The following DSTN variants were observed in gnomAD, a reference collection of about 807,000 sequenced individuals.
DSTN encodes the protein destrin.
In DSTN, 10 loss-of-function variants were observed where a neutral mutation model predicts 16.8. The ratio of observed to expected loss-of-function variants is 0.60; its 90% CI spans 0.37 to 1.01. The LOEUF (loss-of-function observed/expected upper bound fraction) is 1.01. Ranked by LOEUF, DSTN falls within the 50% of genes least tolerant of loss-of-function variation. The pLI, the probability that DSTN is intolerant of heterozygous loss-of-function variation, is 0.01. For missense variants in DSTN, 141 were observed against 196.7 expected, an observed-to-expected ratio of 0.72 and a Z score of 1.69; for synonymous variants, 57 against 58.9, an observed-to-expected ratio of 0.97 and a Z score of 0.14.
intron 1 of DSTN, among the ~76,000 whole-genome samples, chr20:17,571,942 GTTACTC>G (rs1258163348): frequency 6.6e-6 from 1 of 152,168 alleles, no homozygotes; most frequent in Non-Finnish European, 1.5e-5. Context: ...GACCTTACAA[GTTACTC>G]TTAGAGTTCA....
At chr20:17,592,508 C>T (rs2035480161) in intron 1 of DSTN, among the ~76,000 whole-genome samples, 1 of 151,422 alleles carries the variant, frequency 6.6e-6, no homozygotes, top group South Asian at 2.1e-4. Context: ...TTCACCATAT[C>T]TCAAGGATGT....
rs148320384 is a variant in DSTN at position 17,595,081 on chromosome 20, G to A, written c.4-5657G>A. On this transcript the variant is annotated intron_variant, in intron 1 of 3. Transcript: ENST00000246069. ...GCTTGAGCTTGGGTAAACTCTCTGA[G>A]GAAGAATGCAGAGTTCGTCCTTTCC... Among the ~76,000 whole-genome samples, 152 of 152,300 alleles carry A rather than the reference G, an allele frequency of 1.0e-3. No individual in the cohort carries two copies. In the Middle Eastern group the frequency reaches 0.01, roughly 10 times the overall value.
chr20:17,599,590 T>C (rs73260504), intron 1 of DSTN: 10,620 of 152,358 alleles, frequency 0.07, 594 homozygotes, highest in African/African-American at 0.15. Context: ...GTCTTGGGGA[T>C]AGGAGAACAG....
intron 2 of DSTN, among the ~76,000 whole-genome samples, chr20:17,601,902 A>AG: frequency 6.6e-6 from 1 of 151,680 alleles, no homozygotes; most frequent in Non-Finnish European, 1.5e-5. Flanking sequence ...TTAGTTTCTA[A>AG]GGGGAGGGAG....
At chr20:17,583,771 C>T (rs1348559509) in intron 1 of DSTN, among the ~76,000 whole-genome samples, 1 of 87,580 alleles carries the variant, frequency 1.1e-5, no homozygotes. Context: ...GACAAGGTCT[C>T]TGTCACCCAG....
chr20:17,591,979 G>T, intron 1 of DSTN: 2 of 985,452 alleles, frequency 2.0e-6, no homozygotes, highest in Non-Finnish European at 2.4e-6. Flanking sequence ...AGCTACCAGC[G>T]TATTGAGAGG....
intron 1 of DSTN, among the ~76,000 whole-genome samples, chr20:17,599,008 C>T (rs2035557198): frequency 6.6e-6 from 1 of 152,200 alleles, no homozygotes; most frequent in Non-Finnish European, 1.5e-5. Flanking sequence ...CACACAAAAC[C>T]TTGTACACGA....
Position 17,587,352 on chromosome 20 carries a change from C to T in DSTN, c.4-13386C>T, listed in dbSNP as rs578149467. Among the ~76,000 whole-genome samples the T allele has an allele frequency of 3.9e-5, 6 of 152,160 alleles. No individual in the cohort carries two copies. The East Asian group carries it at 7.7e-4, about 20-fold the overall frequency. Reference sequence around the variant, plus strand: ...TGTGATCTTGGCTCACTGCATTCTCCACCTCCTGGGCCCAAGTGATCCTCC... The same window carrying T: ...TGTGATCTTGGCTCACTGCATTCTCTACCTCCTGGGCCCAAGTGATCCTCC... On this transcript the variant is annotated intron_variant, in intron 1 of 3. Coordinates refer to ENST00000246069, the MANE Select transcript of DSTN (RefSeq NM_006870.4).
In DSTN at chr20:17,608,601, G is replaced by GAGC. The variant is rs1008691660; in HGVS notation, c.*1457_*1459dup. 1.0e-4 allele frequency: 15 copies of GAGC among 143,336 alleles called. No homozygotes were observed. Among genetic ancestry groups the GAGC allele is most frequent in the African/African-American group, 3.5e-4 (13 of 37,444 alleles). 8.9% of individuals were successfully genotyped at this position (143,336 alleles called of 1,614,324 possible). A position where few individuals can be genotyped will look rare whatever the true frequency, so the allele number is the denominator to read the frequency against. ...CCACTGTACTCCAGCCTGGATGACAGAGCAAGACCTTGTCTCAAAAAAAAA... is the reference window on the plus strand; with the variant it reads ...CCACTGTACTCCAGCCTGGATGACAGAGCAGCAAGACCTTGTCTCAAAAAAAAA... On this transcript the variant is annotated 3_prime_UTR_variant, in exon 4 of 4. Coordinates refer to ENST00000246069, the MANE Select transcript of DSTN (RefSeq NM_006870.4).
chr20:17,598,853 C>T (rs1181535173), intron 1 of DSTN, among the ~76,000 whole-genome samples: 2 of 152,234 alleles, frequency 1.3e-5, no homozygotes, highest in African/African-American at 4.8e-5. Context: ...CTGCCCTCTC[C>T]CTCTAAAGTG....
At chr20:17,592,067 A>G in intron 1 of DSTN, 1 of 985,398 alleles carries the variant, frequency 1.0e-6, no homozygotes, top group Non-Finnish European at 1.2e-6. Flanking sequence ...CTTTAGGGTT[A>G]GTATTCCGTG....
intron 1 of DSTN, among the ~76,000 whole-genome samples, chr20:17,595,945 A>G (rs1361982110): frequency 6.6e-6 from 1 of 151,842 alleles, no homozygotes; most frequent in Non-Finnish European, 1.5e-5. Context: ...TTTTTTCTTC[A>G]TTGTTAACCA....
intron 1 of DSTN, among the ~76,000 whole-genome samples, chr20:17,585,978 G>A (rs1248467995): frequency 6.6e-6 from 1 of 151,768 alleles, no homozygotes; most frequent in Non-Finnish European, 1.5e-5. Context: ...TATTTTTCTG[G>A]GTTAAGGAGC....
intron 1 of DSTN, among the ~76,000 whole-genome samples, chr20:17,588,395 C>T (rs1193907833): frequency 6.6e-6 from 1 of 152,198 alleles, no homozygotes; most frequent in Admixed American, 6.5e-5. Flanking sequence ...TGTCACACAA[C>T]CACCTTGGGC....
intron 1 of DSTN, 127 bp downstream of exon 1, chr20:17,570,338 A>T (rs1314864424): frequency 1.4e-5 from 18 of 1,275,202 alleles, no homozygotes; most frequent in Non-Finnish European, 1.8e-5. Flanking sequence ...GTCCGGCTGC[A>T]GTGTCCGGGC....
chr20:17,601,185 G>A, intron 2 of DSTN, 140 bp downstream of exon 2: 1 of 1,069,736 alleles, frequency 9.3e-7, no homozygotes, highest in Non-Finnish European at 1.3e-6. Context: ...GTTTCATAAT[G>A]TTACCAGGGC....
Position 17,607,178 on chromosome 20 carries a change from T to A in DSTN, c.*32T>A. On this transcript the variant is annotated 3_prime_UTR_variant, in exon 4 of 4. Transcript: ENST00000246069. ...CAGTGCCACAAATTGAAAGCTTCCATGTTTAATGTTATCCTCTTGCTATAT... is the reference window on the plus strand; with the variant it reads ...CAGTGCCACAAATTGAAAGCTTCCAAGTTTAATGTTATCCTCTTGCTATAT... 1 of 1,590,700 alleles carries A rather than the reference T, an allele frequency of 6.3e-7. No homozygotes were observed. Among genetic ancestry groups the A allele is most frequent in the African/African-American group, 1.3e-5 (1 of 74,308 alleles).
At chr20:17,570,606 G>C (rs1600694898) in intron 1 of DSTN, among the ~76,000 whole-genome samples, 2 of 151,682 alleles carry the variant, frequency 1.3e-5, no homozygotes, top group African/African-American at 4.9e-5. Flanking sequence ...GTCGGAATCC[G>C]GCCACCGTCC....
At chr20:17,585,648 T>C (rs557501164) in intron 1 of DSTN, among the ~76,000 whole-genome samples, 5 of 152,128 alleles carry the variant, frequency 3.3e-5, no homozygotes, top group Non-Finnish European at 7.4e-5. Context: ...CACACACATA[T>C]ATACACACAC....
Sources: allele counts gnomAD v4.1 joint callset (sites outside exome capture counted in the v4.1 genomes callset), GRCh38; gene constraint gnomAD v4.1.1; transcripts MANE v1.5; gene names NCBI Gene and HGNC (gene_info 2026-07-23, HGNC 2026-07-21).